Variants in CYP7B1 observed in about 807,000 individuals in gnomAD.
The protein encoded by CYP7B1 is cytochrome P450 7B1.
CYP7B1 carries 29 observed loss-of-function variants against 42.7 expected under a neutral mutation model. That is an observed-to-expected ratio of 0.68 (90% CI 0.51 to 0.93). CYP7B1 has a LOEUF of 0.93. Among genes scored for constraint, CYP7B1 ranks in the 40% least tolerant of loss-of-function variants. CYP7B1 has a pLI of 0.00. For synonymous variants in CYP7B1, 235 were observed against 218.2 expected (o/e 1.08, Z -0.68); for missense variants, 655 against 600.5 (o/e 1.09, Z -0.95).
intron 1 of CYP7B1, among the ~76,000 whole-genome samples, chr8:64,764,649 C>T (rs1807944003): frequency 6.6e-6 from 1 of 152,058 alleles, no homozygotes; most frequent in African/African-American, 2.4e-5. Flanking sequence ...CCCAGTAACC[C>T]ACAGATGGCC....
intron 1 of CYP7B1, among the ~76,000 whole-genome samples, chr8:64,680,522 T>C (rs941831011): frequency 6.6e-6 from 1 of 152,058 alleles, no homozygotes; most frequent in Non-Finnish European, 1.5e-5. Flanking sequence ...ACTGAGGCAT[T>C]GTTTCATTTA....
At chr8:64,688,696 G>A (rs755820572) in intron 1 of CYP7B1, among the ~76,000 whole-genome samples, 43 of 152,102 alleles carry the variant, frequency 2.8e-4, no homozygotes, top group Non-Finnish European at 4.3e-4. Flanking sequence ...AGGCTGAGGC[G>A]GGTGGATCAC....
At chr8:64,661,698 G>A (rs1806201876) in intron 1 of CYP7B1, among the ~76,000 whole-genome samples, 1 of 152,202 alleles carries the variant, frequency 6.6e-6, no homozygotes, top group African/African-American at 2.4e-5. Flanking sequence ...AAATCCAACT[G>A]TGGTCTCTAA....
At chr8:64,774,033 C>T (rs1006635637) in intron 1 of CYP7B1, among the ~76,000 whole-genome samples, 3 of 152,166 alleles carry the variant, frequency 2.0e-5, no homozygotes, top group Non-Finnish European at 4.4e-5. Flanking sequence ...GCACCTAGTA[C>T]GGTCCTTCAT....
intron 1 of CYP7B1, among the ~76,000 whole-genome samples, chr8:64,651,668 T>C (rs564182491): frequency 1.2e-4 from 18 of 152,176 alleles, no homozygotes; most frequent in Non-Finnish European, 2.5e-4. Flanking sequence ...GAATTATTGC[T>C]CTTATAAAAG....
At chr8:64,726,671 A>T (rs964180677) in intron 1 of CYP7B1, among the ~76,000 whole-genome samples, 9 of 152,234 alleles carry the variant, frequency 5.9e-5, no homozygotes, top group African/African-American at 2.2e-4. Context: ...AATAAATGTG[A>T]GAAGCTTGTG....
At chr8:64,670,947 T>C (rs562229832) in intron 1 of CYP7B1, among the ~76,000 whole-genome samples, 3 of 152,248 alleles carry the variant, frequency 2.0e-5, no homozygotes, top group African/African-American at 2.4e-5. Context: ...TGTGGCTTAA[T>C]TATTTCCTTG....
chr8:64,774,214 G>A (rs1397222322), intron 1 of CYP7B1, among the ~76,000 whole-genome samples: 1 of 152,160 alleles, frequency 6.6e-6, no homozygotes, highest in Non-Finnish European at 1.5e-5. Context: ...AGCATATCAT[G>A]TAATGGAATT....
chr8:64,747,675 T>C (rs998011409), intron 1 of CYP7B1, among the ~76,000 whole-genome samples: 4 of 151,744 alleles, frequency 2.6e-5, no homozygotes, highest in Admixed American at 6.6e-5. Flanking sequence ...AAGGGCAAAC[T>C]ATATATGTTA....
chr8:64,729,142 A>T (rs988106786), intron 1 of CYP7B1, among the ~76,000 whole-genome samples: 1 of 152,250 alleles, frequency 6.6e-6, no homozygotes, highest in African/African-American at 2.4e-5. Context: ...CCTGGGCAAC[A>T]GATCGATACC....
intron 1 of CYP7B1, among the ~76,000 whole-genome samples, chr8:64,724,725 T>C (rs1807296418): frequency 6.6e-6 from 1 of 152,090 alleles, no homozygotes; most frequent in Non-Finnish European, 1.5e-5. Context: ...CTGAGTACTT[T>C]GAACTAAAAG....
chr8:64,737,062 T>C (rs910722673), intron 1 of CYP7B1, among the ~76,000 whole-genome samples: 7 of 152,212 alleles, frequency 4.6e-5, no homozygotes, highest in South Asian at 2.1e-4. Flanking sequence ...AGTGATTATA[T>C]AGTGAATGAA....
At chr8:64,620,111 A>G (rs529890616) in intron 2 of CYP7B1, among the ~76,000 whole-genome samples, 1 of 152,248 alleles carries the variant, frequency 6.6e-6, no homozygotes, top group African/African-American at 2.4e-5. Flanking sequence ...ACTTGAACTC[A>G]GGAATTTAAG....
At chr8:64,761,675 C>A (rs1807893499) in intron 1 of CYP7B1, among the ~76,000 whole-genome samples, 1 of 152,138 alleles carries the variant, frequency 6.6e-6, no homozygotes. Context: ...AGAAAATATG[C>A]CTGCTCTCTG....
chr8:64,653,387 C>G (rs755253925), intron 1 of CYP7B1, among the ~76,000 whole-genome samples: 2 of 152,166 alleles, frequency 1.3e-5, no homozygotes, highest in Non-Finnish European at 2.9e-5. Flanking sequence ...GGCACACAAA[C>G]TAGAAAACCT....
intron 1 of CYP7B1, among the ~76,000 whole-genome samples, chr8:64,759,731 A>T (rs1318189275): frequency 6.6e-6 from 1 of 152,218 alleles, no homozygotes; most frequent in Non-Finnish European, 1.5e-5. Flanking sequence ...TGGTTAAGCT[A>T]TTTACATGAA....
At chr8:64,604,594 A>G (rs1805247637) in intron 5 of CYP7B1, 88 bp downstream of exon 5, 7 of 1,516,566 alleles carry the variant, frequency 4.6e-6, no homozygotes. Context: ...CTTCTGGACC[A>G]AAGTGGCAAG....
At chr8:64,768,494 GGCT>G (rs1289581992) in intron 1 of CYP7B1, among the ~76,000 whole-genome samples, 34 of 152,202 alleles carry the variant, frequency 2.2e-4, no homozygotes, top group African/African-American at 8.2e-4. Flanking sequence ...TGTTCTGAGA[GGCT>G]GCTTTTTAAA....
chr8:64,604,853 G>A lies in CYP7B1; in HGVS notation c.1062C>T (p.Ser354=), dbSNP rs1227409673. The A allele has an allele frequency of 1.9e-6, 3 of 1,613,502 alleles. No homozygotes were observed. Among genetic ancestry groups the A allele is most frequent in the African/African-American group, 2.7e-5 (2 of 74,930 alleles). The change falls in exon 5 of 6, where the codon AGC becomes AGT. Residue 354 remains serine (S), a synonymous_variant. Transcript: ENST00000310193. ...ACAGTCGTAAAGCTTCAAAAATGCT[G>A]CTTTCTGAAGGAAAAAAACAAACGA... ...EQLDSLICLE[S]SIFEALRLSS...
Sources: allele counts gnomAD v4.1 joint callset (sites outside exome capture counted in the v4.1 genomes callset), GRCh38; gene constraint gnomAD v4.1.1; transcripts MANE v1.5; gene names NCBI Gene and HGNC (gene_info 2026-07-23, HGNC 2026-07-21).